COL28A1: variants seen among roughly 807,000 people sequenced by gnomAD.
COL28A1 encodes the protein collagen alpha-1(XXVIII) chain.
A neutral mutation model predicts 150.2 loss-of-function variants in COL28A1; 161 were observed. The ratio of observed to expected loss-of-function variants is 1.07; its 90% CI spans 0.94 to 1.22. The LOEUF (loss-of-function observed/expected upper bound fraction) is 1.22, where lower values mean the gene tolerates loss of function less well. Ranked by LOEUF, COL28A1 falls within the 50% of genes most tolerant of loss-of-function variation. The probability of loss-of-function intolerance (pLI) is 0.00; values close to 1 mark genes in which losing one functional copy is unlikely to be tolerated. For synonymous variants in COL28A1, 552 were observed against 469.7 expected (o/e 1.18, Z -2.26); for missense variants, 1,617 against 1,388.3 (o/e 1.16, Z -2.62).
chr7:7,443,551 C>T (rs774496035), intron 20 of COL28A1, 34 bp downstream of exon 20: 1 of 1,613,012 alleles, frequency 6.2e-7, no homozygotes. Flanking sequence ...GACCAGAACA[C>T]AGGCTGCTTC....
rs957254206 is a variant in COL28A1 at position 7,417,225 on chromosome 7, C to T, written c.2136+634G>A. ...TGCTGGACAAGCTTGTTGCTGCTGA[C>T]GCAGAAGCAAAGTGACATGCAGATG... On this transcript the variant is annotated intron_variant, in intron 27 of 34. Transcript: ENST00000399429. Among the ~76,000 whole-genome samples the T allele has an allele frequency of 7.8e-4, 118 of 151,858 alleles. 1 individual carries two copies. Among genetic ancestry groups the T allele is most frequent in the African/African-American group, 2.6e-3 (109 of 41,394 alleles).
chr7:7,389,192 G>T (rs1439419759), intron 27 of COL28A1, among the ~76,000 whole-genome samples: 1 of 152,020 alleles, frequency 6.6e-6, no homozygotes, highest in East Asian at 1.9e-4. Context: ...TAAGGAAGGG[G>T]TCCAGTTTCA....
At chr7:7,344,499 CAG>C in the COL28A1 span, among the ~76,000 whole-genome samples, 1 of 152,102 alleles carries the variant, frequency 6.6e-6, no homozygotes, top group Non-Finnish European at 1.5e-5. Context: ...AGATAAAAAA[CAG>C]AAAATTTGCA....
At chr7:7,380,597 A>T in intron 30 of COL28A1, 63 bp downstream of exon 30, 1 of 1,401,684 alleles carries the variant, frequency 7.1e-7, no homozygotes, top group Non-Finnish European at 1.0e-6. Context: ...CTAAAGCTAA[A>T]GCATGAATGC....
At chr7:7,363,230 T>C (rs961263659) in intron 33 of COL28A1, among the ~76,000 whole-genome samples, 3 of 152,120 alleles carry the variant, frequency 2.0e-5, no homozygotes, top group Non-Finnish European at 4.4e-5. Context: ...AGCAGCACAG[T>C]TTTCTTCAAA....
chr7:7,486,127 A>G (rs1054671740), intron 13 of COL28A1, among the ~76,000 whole-genome samples: 13 of 152,122 alleles, frequency 8.5e-5, no homozygotes, highest in African/African-American at 2.4e-4. Flanking sequence ...GATTTCTTTC[A>G]TCAGTGTTTT....
At position 7,477,012 on chromosome 7, in the gene COL28A1, T is replaced by C. The variant is rs983534589; in HGVS notation, c.1233+100A>G. ...AATGGAATAAAGATGGTCAGAAAAA[T>C]AATTAACTTCTAAAAATTGGCTAGG... On this transcript the variant is annotated intron_variant, in intron 14 of 34. Coordinates refer to ENST00000399429, the MANE Select transcript of COL28A1 (RefSeq NM_001037763.3). The C allele has an allele frequency of 6.1e-5, 44 of 724,606 alleles. 1 individual carries two copies. In the Middle Eastern group the frequency reaches 1.9e-3, roughly 32 times the overall value. The allele number at this position is 724,606 out of a possible 1,614,324, so 44.9% of individuals were successfully genotyped here.
intron 11 of COL28A1, among the ~76,000 whole-genome samples, chr7:7,503,211 A>C (rs1035123941): frequency 6.6e-6 from 1 of 152,178 alleles, no homozygotes; most frequent in African/African-American, 2.4e-5. Flanking sequence ...TGTGGGTTTC[A>C]ATACTCAGTC....
intron 25 of COL28A1, among the ~76,000 whole-genome samples, chr7:7,428,392 G>C (rs1053325287): frequency 2.6e-5 from 4 of 152,214 alleles, no homozygotes; most frequent in Non-Finnish European, 4.4e-5. Context: ...CCTGCCCTTA[G>C]TGAACTCAGG....
At chr7:7,365,107 T>C (rs369752819) in intron 33 of COL28A1, among the ~76,000 whole-genome samples, 41 of 143,588 alleles carry the variant, frequency 2.9e-4, no homozygotes, top group African/African-American at 9.4e-4. Flanking sequence ...CAATTCACGA[T>C]AGTGATTGCC....
At chr7:7,539,534 G>A (rs529757988), upstream of COL28A1, among the ~76,000 whole-genome samples, 4 of 152,046 alleles carry the variant, frequency 2.6e-5, no homozygotes, top group Admixed American at 6.6e-5. Flanking sequence ...GTTTGGAGGG[G>A]GCAAATATGC....
chr7:7,471,139 A>AAAAG (rs1207898515), intron 15 of COL28A1, among the ~76,000 whole-genome samples: 1 of 149,494 alleles, frequency 6.7e-6, no homozygotes, highest in Non-Finnish European at 1.5e-5. Flanking sequence ...AAAAAAAAAA[A>AAAAG]AAAAAGAAAA....
the COL28A1 span, among the ~76,000 whole-genome samples, chr7:7,340,784 T>C: frequency 3.3e-5 from 5 of 152,122 alleles, no homozygotes; most frequent in Admixed American, 1.3e-4. Flanking sequence ...AGGCCATCTA[T>C]AATCATTTGC....
intron 15 of COL28A1, among the ~76,000 whole-genome samples, chr7:7,459,388 T>C (rs1230470527): frequency 6.6e-6 from 1 of 152,236 alleles, no homozygotes; most frequent in Non-Finnish European, 1.5e-5. Flanking sequence ...ATTTCTGCTA[T>C]TTAAATACAA....
intron 11 of COL28A1, among the ~76,000 whole-genome samples, chr7:7,501,603 G>C (rs959214978): frequency 6.6e-6 from 1 of 152,278 alleles, no homozygotes; most frequent in Admixed American, 6.5e-5. Context: ...CCACTGTGTT[G>C]ATTTATTCAA....
chr7:7,466,448 G>T (rs1788088172), intron 15 of COL28A1, among the ~76,000 whole-genome samples: 1 of 118,524 alleles, frequency 8.4e-6, no homozygotes, highest in Non-Finnish European at 1.7e-5. Flanking sequence ...AAGAAATATG[G>T]GACTATGTGA....
chr7:7,391,210 A>G (rs1167873708), intron 27 of COL28A1, among the ~76,000 whole-genome samples: 1 of 152,108 alleles, frequency 6.6e-6, no homozygotes, highest in Admixed American at 6.5e-5. Flanking sequence ...GAACTTATTT[A>G]TCTCTGCCTT....
At chr7:7,452,277 T>G (rs16878062) in intron 18 of COL28A1, 42 bp downstream of exon 18, 177,868 of 1,585,582 alleles carry the variant, frequency 0.11, 10,635 homozygotes, top group Middle Eastern at 0.21. Context: ...TATATAATGT[T>G]ACATAAAGTA....
intron 33 of COL28A1, 59 bp downstream of exon 33, chr7:7,370,666 T>C (rs960398609): frequency 7.1e-7 from 1 of 1,401,316 alleles, no homozygotes; most frequent in Non-Finnish European, 9.9e-7. Flanking sequence ...TGATCTTTGA[T>C]ATGAAACAGA....
Sources: allele counts gnomAD v4.1 joint callset (sites outside exome capture counted in the v4.1 genomes callset), GRCh38; gene constraint gnomAD v4.1.1; transcripts MANE v1.5; gene names NCBI Gene and HGNC (gene_info 2026-07-23, HGNC 2026-07-21).